ANO6: variants seen among roughly 807,000 people sequenced by gnomAD.
ANO6 encodes the protein anoctamin 6, also known as anoctamin-6.
ANO6 carries 106 observed loss-of-function variants against 117.5 expected under a neutral mutation model. The observed-to-expected ratio is 0.90, with a 90% confidence interval of 0.77 to 1.06. The LOEUF (loss-of-function observed/expected upper bound fraction) is 1.06. Among genes scored for constraint, ANO6 ranks in the 50% least tolerant of loss-of-function variants. The pLI is 0.00. For missense variants in ANO6, 955 were observed against 1,121.1 expected, an observed-to-expected ratio of 0.85 and a Z score of 2.12; for synonymous variants, 367 against 385.1, an observed-to-expected ratio of 0.95 and a Z score of 0.55.
At chr12:45,237,679 T>A (rs1267205018) in intron 1 of ANO6, among the ~76,000 whole-genome samples, 4 of 152,242 alleles carry the variant, frequency 2.6e-5, no homozygotes, top group Non-Finnish European at 5.9e-5. Context: ...CTTTGTTCTT[T>A]TGGCTTAGGA....
chr12:45,415,869 C>G (rs1051470246), intron 16 of ANO6, among the ~76,000 whole-genome samples: 4 of 152,182 alleles, frequency 2.6e-5, no homozygotes, highest in Non-Finnish European at 4.4e-5. Context: ...AGTTACATAT[C>G]TGTAGATGTT....
intron 12 of ANO6, among the ~76,000 whole-genome samples, chr12:45,393,924 G>T (rs1312524486): frequency 6.6e-6 from 1 of 152,210 alleles, no homozygotes; most frequent in Non-Finnish European, 1.5e-5. Flanking sequence ...ATCCTATGAA[G>T]AAACTGCTTT....
intron 2 of ANO6, among the ~76,000 whole-genome samples, chr12:45,325,946 C>A (rs912118923): frequency 6.6e-6 from 1 of 152,126 alleles, no homozygotes; most frequent in Non-Finnish European, 1.5e-5. Flanking sequence ...TTTTAAATGT[C>A]ATTTCAAAGT....
chr12:45,289,464 T>G (rs1199533601), intron 1 of ANO6, among the ~76,000 whole-genome samples: 4 of 152,002 alleles, frequency 2.6e-5, no homozygotes, highest in African/African-American at 9.7e-5. Context: ...CCCAGCCGGG[T>G]GTGAATAATT....
chr12:45,412,571 C>G (rs561834537), intron 16 of ANO6, among the ~76,000 whole-genome samples: 3 of 152,314 alleles, frequency 2.0e-5, no homozygotes, highest in African/African-American at 7.2e-5. Context: ...TTCTTCCCTT[C>G]ATGCTCTCAT....
chr12:45,234,139 T>C (rs139064233), intron 1 of ANO6, among the ~76,000 whole-genome samples: 2 of 152,366 alleles, frequency 1.3e-5, no homozygotes, highest in East Asian at 1.9e-4. Flanking sequence ...TTGCCAATTA[T>C]AGGAAATTAG....
At chr12:45,230,511 T>C (rs1450125346) in intron 1 of ANO6, among the ~76,000 whole-genome samples, 1 of 150,896 alleles carries the variant, frequency 6.6e-6, no homozygotes, top group Non-Finnish European at 1.5e-5. Context: ...GGATGGTTCC[T>C]TGCATGGTCA....
intron 3 of ANO6, among the ~76,000 whole-genome samples, chr12:45,332,214 C>T (rs1940687669): frequency 6.6e-6 from 1 of 151,956 alleles, no homozygotes; most frequent in Non-Finnish European, 1.5e-5. Flanking sequence ...GTGTTACTTT[C>T]ACCCACTTTA....
Position 45,216,273 on chromosome 12 carries a change from G to A in ANO6, c.-49G>A, listed in dbSNP as rs1319742178. ...GGAGAGCCGCGCCGTTCTGGAACCC[G>A]GGAGCCCCCAACTTCGCGCCAAGTT... is the stretch of plus-strand genomic sequence containing the variant. On this transcript the variant is annotated 5_prime_UTR_variant, in exon 1 of 20. Transcript: ENST00000320560. The A allele has an allele frequency of 6.4e-7, 1 of 1,569,634 alleles. No individual in the cohort carries two copies. Among genetic ancestry groups the A allele is most frequent in the East Asian group, 2.4e-5 (1 of 42,056 alleles).
At chr12:45,227,576 T>A (rs1947503909) in intron 1 of ANO6, among the ~76,000 whole-genome samples, 1 of 152,182 alleles carries the variant, frequency 6.6e-6, no homozygotes, top group African/African-American at 2.4e-5. Flanking sequence ...TAGACACTTA[T>A]GAGGGCAGTT....
intron 12 of ANO6, among the ~76,000 whole-genome samples, chr12:45,396,648 T>C (rs1169382714): frequency 6.6e-6 from 1 of 152,050 alleles, no homozygotes; most frequent in Non-Finnish European, 1.5e-5. Flanking sequence ...TATAGACCAA[T>C]GGAACAGAAC....
intron 1 of ANO6, among the ~76,000 whole-genome samples, chr12:45,221,390 C>T (rs1947396401): frequency 1.3e-5 from 2 of 152,116 alleles, no homozygotes; most frequent in Non-Finnish European, 2.9e-5. Context: ...TGCTGAAAGA[C>T]TAGGAAAATG....
intron 16 of ANO6, 99 bp from the exon 17 acceptor site, chr12:45,416,600 G>A: frequency 9.4e-7 from 1 of 1,069,380 alleles, no homozygotes; most frequent in African/African-American, 1.6e-5. Flanking sequence ...TTTTCTCTCT[G>A]GGATTTAGTT....
chr12:45,382,548 G>C (rs570363467), intron 10 of ANO6, among the ~76,000 whole-genome samples: 3 of 152,156 alleles, frequency 2.0e-5, no homozygotes, highest in Admixed American at 1.3e-4. Context: ...CCAGTAAACT[G>C]TCAATGCTTC....
intron 8 of ANO6, among the ~76,000 whole-genome samples, chr12:45,359,904 A>T (rs934109916): frequency 1.3e-5 from 2 of 152,342 alleles, no homozygotes; most frequent in African/African-American, 4.8e-5. Flanking sequence ...CCTGCAATGT[A>T]TGAGGACAAT....
intron 10 of ANO6, among the ~76,000 whole-genome samples, chr12:45,387,042 C>T (rs1942317931): frequency 6.6e-6 from 1 of 152,214 alleles, no homozygotes; most frequent in South Asian, 2.1e-4. Flanking sequence ...TCTCATATGC[C>T]TAGGAGCTCC....
intron 8 of ANO6, among the ~76,000 whole-genome samples, chr12:45,359,163 A>G (rs1941490540): frequency 6.6e-6 from 1 of 152,204 alleles, no homozygotes; most frequent in Non-Finnish European, 1.5e-5. Flanking sequence ...AAAGTGCACA[A>G]TTTAGGTGTA....
intron 1 of ANO6, among the ~76,000 whole-genome samples, chr12:45,274,096 CTCT>C (rs1210847095): frequency 7.9e-5 from 12 of 152,174 alleles, no homozygotes; most frequent in South Asian, 2.1e-4. Context: ...CTGGATCCTT[CTCT>C]TCTTCTGGCC....
intron 1 of ANO6, among the ~76,000 whole-genome samples, chr12:45,287,498 A>G (rs780156163): frequency 1.3e-5 from 2 of 152,188 alleles, no homozygotes; most frequent in Admixed American, 6.5e-5. Flanking sequence ...ACTGGAATCT[A>G]TTGCACGCTC....
Sources: allele counts gnomAD v4.1 joint callset (sites outside exome capture counted in the v4.1 genomes callset), GRCh38; gene constraint gnomAD v4.1.1; transcripts MANE v1.5; gene names NCBI Gene and HGNC (gene_info 2026-07-23, HGNC 2026-07-21).